GALNT7: variants seen among roughly 807,000 people sequenced by gnomAD.
The protein encoded by GALNT7 is N-acetylgalactosaminyltransferase 7.
In GALNT7, 60 loss-of-function variants were observed where a neutral mutation model predicts 82.1. The ratio of observed to expected loss-of-function variants is 0.73; its 90% CI spans 0.59 to 0.91. The LOEUF is 0.91. Ranked by LOEUF, GALNT7 falls within the 40% of genes least tolerant of loss-of-function variation. GALNT7 has a pLI of 0.00. For missense variants in GALNT7, 660 were observed against 804.2 expected (o/e 0.82, Z 2.17); for synonymous variants, 243 against 275.1 (o/e 0.88, Z 1.15).
chr4:173,172,119 A>T (rs570680950), intron 1 of GALNT7, among the ~76,000 whole-genome samples: 2 of 152,320 alleles, frequency 1.3e-5, no homozygotes, highest in East Asian at 3.9e-4. Context: ...AAGGAAGTAC[A>T]CTTTGAAGAA....
intron 1 of GALNT7, among the ~76,000 whole-genome samples, chr4:173,219,591 T>C (rs1733579168): frequency 6.6e-6 from 1 of 152,208 alleles, no homozygotes; most frequent in Admixed American, 6.5e-5. Flanking sequence ...GTGGTTGTAC[T>C]AGTTTACATT....
At chr4:173,169,057 C>A in intron 1 of GALNT7, 96 bp downstream of exon 1, 1 of 1,262,578 alleles carries the variant, frequency 7.9e-7, no homozygotes, top group Non-Finnish European at 1.1e-6. Flanking sequence ...GGTCGCGGCA[C>A]GGCGTGGGCA....
chr4:173,173,720 T>C (rs1209540274), intron 1 of GALNT7, among the ~76,000 whole-genome samples: 1 of 152,222 alleles, frequency 6.6e-6, no homozygotes, highest in Non-Finnish European at 1.5e-5. Context: ...AGAAGCTGTG[T>C]GTAAACTAAT....
intron 1 of GALNT7, among the ~76,000 whole-genome samples, chr4:173,179,516 G>C (rs1238478183): frequency 6.6e-6 from 1 of 152,172 alleles, no homozygotes; most frequent in African/African-American, 2.4e-5. Flanking sequence ...ATGTGAGCAA[G>C]GTTTGCAAGT....
intron 1 of GALNT7, among the ~76,000 whole-genome samples, chr4:173,203,259 A>G (rs930890627): frequency 6.6e-6 from 1 of 152,076 alleles, no homozygotes; most frequent in African/African-American, 2.4e-5. Context: ...ACGCCCAGCT[A>G]ATTTTTTGTG....
chr4:173,181,166 G>A (rs952629445), intron 1 of GALNT7, among the ~76,000 whole-genome samples: 2 of 152,168 alleles, frequency 1.3e-5, no homozygotes, highest in South Asian at 2.1e-4. Context: ...TGTGGTAGAT[G>A]TTCTTAAACT....
chr4:173,241,030 C>T (rs1470632405), intron 1 of GALNT7, among the ~76,000 whole-genome samples: 1 of 151,960 alleles, frequency 6.6e-6, no homozygotes, highest in Non-Finnish European at 1.5e-5. Flanking sequence ...TTTGGATAAT[C>T]TTCATATGAG....
chr4:173,180,799 C>T (rs1424258101), intron 1 of GALNT7, among the ~76,000 whole-genome samples: 1 of 152,200 alleles, frequency 6.6e-6, no homozygotes, highest in Non-Finnish European at 1.5e-5. Flanking sequence ...TAGTTTTCTT[C>T]TGGCAGTTCA....
intron 2 of GALNT7, among the ~76,000 whole-genome samples, chr4:173,280,607 C>T (rs761486127): frequency 6.6e-6 from 1 of 152,160 alleles, no homozygotes; most frequent in Non-Finnish European, 1.5e-5. Context: ...TACAATGTAG[C>T]TGAACCAGTA....
rs975075321 is a variant in GALNT7 at position 173,253,753 on chromosome 4, C to T, written c.587+5313C>T. On this transcript the variant is annotated intron_variant, in intron 2 of 11. Transcript: ENST00000265000. ...AGAACAGTCCACTCTGCCCAAAGCTCGTTTACCTGAACTGGTCTGCTGCCC... is the reference window on the plus strand; with the variant it reads ...AGAACAGTCCACTCTGCCCAAAGCTTGTTTACCTGAACTGGTCTGCTGCCC... Among the ~76,000 whole-genome samples the T allele has an allele frequency of 2.6e-5, 4 of 152,142 alleles. No individual in the cohort carries two copies. The Middle Eastern group carries it at 9.5e-3, about 361-fold the overall frequency.
intron 1 of GALNT7, among the ~76,000 whole-genome samples, chr4:173,175,681 C>A (rs1249798182): frequency 6.6e-6 from 1 of 152,202 alleles, no homozygotes. Flanking sequence ...CTGAGCACAT[C>A]TGGACTTAAG....
intron 1 of GALNT7, among the ~76,000 whole-genome samples, chr4:173,169,902 G>A (rs1225988975): frequency 6.6e-6 from 1 of 152,040 alleles, no homozygotes; most frequent in African/African-American, 2.4e-5. Flanking sequence ...CCGACGCCGA[G>A]GGGAGCGGCG....
In GALNT7 at chr4:173,320,869, C is replaced by G. The variant is rs966308331; in HGVS notation, c.1837-711C>G. 6.6e-6 allele frequency among the ~76,000 whole-genome samples: 1 copy of G among 151,974 alleles called. No homozygotes were observed. Among genetic ancestry groups the G allele is most frequent in the Non-Finnish European group, 1.5e-5 (1 of 67,980 alleles). On this transcript the variant is annotated intron_variant, in intron 11 of 11. Coordinates refer to ENST00000265000, the MANE Select transcript of GALNT7 (RefSeq NM_017423.3). The surrounding 1 kb of genome is among the most constrained non-coding windows in gnomAD (Gnocchi z 4.1). ...CATCAGTGACATCCTTAAGTGAAAC[C>G]GGCATTTACTTTTCAACTGTGTGTG...
rs760604527 is a variant in GALNT7 at position 173,292,147 on chromosome 4, G to A, written c.627G>A (p.Ser209=). The change falls in exon 3 of 12, where the codon TCG becomes TCA. Residue 209 remains serine, a synonymous_variant. Transcript: ENST00000265000. The surrounding 1 kb of genome is among the most constrained non-coding windows in gnomAD (Gnocchi z 4.8). ...ATTATGATGAAAACTTGCTCACTTC[G>A]AGCGTTGTCATTGTCTTCCATAATG... ...YWHYDENLLT[S]SVVIVFHNEG... The A allele has an allele frequency of 1.1e-5, 17 of 1,609,722 alleles. No homozygotes were observed. Among genetic ancestry groups the A allele is most frequent in the African/African-American group, 1.3e-5 (1 of 74,778 alleles).
chr4:173,318,768 G>T, intron 11 of GALNT7: 2 of 410,360 alleles, frequency 4.9e-6, no homozygotes, highest in East Asian at 5.0e-5. Flanking sequence ...TTACAATATT[G>T]TCATGTAATG....
At chr4:173,272,707 G>T (rs973450985) in intron 2 of GALNT7, among the ~76,000 whole-genome samples, 1 of 152,066 alleles carries the variant, frequency 6.6e-6, no homozygotes, top group Non-Finnish European at 1.5e-5. Flanking sequence ...CCTTTACAAC[G>T]TTTTTAAACA....
At chr4:173,261,829 T>A (rs1467906023) in intron 2 of GALNT7, among the ~76,000 whole-genome samples, 3 of 151,926 alleles carry the variant, frequency 2.0e-5, no homozygotes, top group Non-Finnish European at 4.4e-5. Context: ...AAAAAAAATT[T>A]AAAAAATAAA....
Position 173,170,065 on chromosome 4 carries a change from G to A in GALNT7, c.126+1104G>A, listed in dbSNP as rs532327821. ...GCGCCGCGCGGGGAAGGGACCGCGG[G>A]CACTGCGGCTTCCCTGACCCGGCAG... On this transcript the variant is annotated intron_variant, in intron 1 of 11. Coordinates refer to ENST00000265000, the MANE Select transcript of GALNT7 (RefSeq NM_017423.3). 6.2e-4 allele frequency among the ~76,000 whole-genome samples: 95 copies of A among 152,226 alleles called. 1 individual carries two copies. The highest frequency in any genetic ancestry group is 1.9e-3 in the African/African-American group (77 of 41,580).
intron 2 of GALNT7, among the ~76,000 whole-genome samples, chr4:173,288,144 C>A (rs11132982): frequency 3.1e-4 from 46 of 150,162 alleles, no homozygotes; most frequent in African/African-American, 1.1e-3. Context: ...TTAGCCAGGC[C>A]TGGTAGCGGG....
Sources: gnomAD v4.1 joint callset for allele counts (sites outside exome capture counted in the v4.1 genomes callset) on GRCh38, gnomAD v4.1.1 for gene constraint, Gnocchi (gnomAD v3.1) non-coding constraint, MANE v1.5 for transcripts, NCBI Gene and HGNC (gene_info 2026-07-23, HGNC 2026-07-21) for gene names.